The following NIPSNAP2 variants were observed in gnomAD, a reference collection of about 807,000 sequenced individuals.
The protein encoded by NIPSNAP2 is protein NipSnap homolog 2.
In NIPSNAP2, 42 loss-of-function variants were observed where a neutral mutation model predicts 48.4. The observed-to-expected ratio is 0.87, with a 90% confidence interval of 0.68 to 1.12. NIPSNAP2 has a LOEUF of 1.12. Among genes scored for constraint, NIPSNAP2 ranks in the 50% most tolerant of loss-of-function variants. The pLI, the probability that NIPSNAP2 is intolerant of heterozygous loss-of-function variation, is 0.00. For synonymous variants in NIPSNAP2, 158 were observed against 126.6 expected (o/e 1.25, Z -1.67); for missense variants, 314 against 347.3 (o/e 0.90, Z 0.76).
rs1437201867 is a variant in NIPSNAP2, at chr7:55,981,472, G to A, written c.279-1G>A. On this transcript the variant is annotated splice_acceptor_variant, in intron 3 of 9. Coordinates refer to ENST00000322090, the MANE Select transcript of NIPSNAP2 (RefSeq NM_001483.3). LOFTEE classifies it high-confidence loss of function. ...TAGTGTTGCTGTTTCTTCTCTTTAAGTCAAGAGGTGTTGCCAAAGATTCAC... is the reference window on the plus strand; with the variant it reads ...TAGTGTTGCTGTTTCTTCTCTTTAAATCAAGAGGTGTTGCCAAAGATTCAC... 1 of 1,612,112 alleles carries A rather than the reference G, an allele frequency of 6.2e-7. No homozygotes were observed. Among genetic ancestry groups the A allele is most frequent in the Non-Finnish European group, 8.5e-7 (1 of 1,178,510 alleles).
At chr7:55,991,219 A>G (rs1007764659) in intron 7 of NIPSNAP2, among the ~76,000 whole-genome samples, 1 of 152,210 alleles carries the variant, frequency 6.6e-6, no homozygotes, top group Admixed American at 6.5e-5. Flanking sequence ...TTAGATCATC[A>G]AAGGCTAAAT....
intron 9 of NIPSNAP2, among the ~76,000 whole-genome samples, 171 bp from the exon 10 acceptor site, chr7:55,998,837 T>TA (rs1787622397): frequency 6.6e-6 from 1 of 152,172 alleles, no homozygotes; most frequent in Admixed American, 6.6e-5. Flanking sequence ...TGGCAGCTGA[T>TA]ACAGGGTCCG....
At position 55,994,976 on chromosome 7, in the gene NIPSNAP2, C is replaced by T; in HGVS notation, c.700C>T (p.His234Tyr). The T allele has an allele frequency of 6.2e-7, 1 of 1,613,794 alleles. No individual in the cohort carries two copies. Among genetic ancestry groups the T allele is most frequent in the Non-Finnish European group, 8.5e-7 (1 of 1,179,678 alleles). ...FSQIGQLYMVHHLWAYRDLQT... is the reference protein window; with the variant it reads ...FSQIGQLYMVYHLWAYRDLQT... ...TCAGATTGGGCAGCTGTACATGGTGCACCATCTTTGGGGTATCTGTTTTTC... is the reference window on the plus strand; with the variant it reads ...TCAGATTGGGCAGCTGTACATGGTGTACCATCTTTGGGGTATCTGTTTTTC... The change falls in exon 8 of 10, where the codon CAC (histidine) becomes TAC (tyrosine). Residue 234 changes from histidine (H) to tyrosine (Y), a missense_variant. This residue lies in a region of NIPSNAP2 where 116 missense variants were observed against 161.8 expected (regional missense o/e 0.72). Coordinates refer to ENST00000322090, the MANE Select transcript of NIPSNAP2 (RefSeq NM_001483.3).
intron 3 of NIPSNAP2, chr7:55,978,748 CTG>C (rs1232748883): frequency 8.8e-6 from 2 of 226,394 alleles, no homozygotes; most frequent in Non-Finnish European, 1.7e-5. Context: ...CTGGACAGCT[CTG>C]AGTGTTAGGA....
At chr7:55,974,844 T>C (rs1419415984) in intron 1 of NIPSNAP2, among the ~76,000 whole-genome samples, 17 of 103,874 alleles carry the variant, frequency 1.6e-4, no homozygotes, top group Non-Finnish European at 2.6e-4. Flanking sequence ...CGCGACTCTG[T>C]CTTAAAAAAA....
intron 3 of NIPSNAP2, chr7:55,980,717 C>T (rs1787196598): frequency 6.6e-6 from 1 of 152,190 alleles, no homozygotes; most frequent in South Asian, 2.1e-4. Context: ...CTGCCGTGAC[C>T]TGTCATGGCT....
At position 55,981,487 on chromosome 7, in the gene NIPSNAP2, C is replaced by T; in HGVS notation, c.293C>T (p.Pro98Leu). 6.2e-7 allele frequency: 1 copy of T among 1,613,462 alleles called. No homozygotes were observed. Among genetic ancestry groups the T allele is most frequent in the South Asian group, 1.1e-5 (1 of 90,996 alleles). Residue 98 changes from proline (P) to leucine (L), a missense_variant, in exon 4 of 10, where the codon CCA becomes CTA. Physicochemically the swap from Pro to Leu is moderately conservative, Grantham distance 98. Coordinates refer to ENST00000322090, the MANE Select transcript of NIPSNAP2 (RefSeq NM_001483.3). ...AYNKICQEVL[P>L]KIHEDKHYPC... The stretch of plus-strand genomic sequence containing the variant: ...TTCTCTTTAAGTCAAGAGGTGTTGC[C>T]AAAGATTCACGAAGATAAACACTAC...
chr7:55,981,699 A>G, intron 4 of NIPSNAP2, 132 bp downstream of exon 4: 1 of 592,534 alleles, frequency 1.7e-6, no homozygotes, highest in Non-Finnish European at 3.0e-6. Flanking sequence ...TGATTAAAGT[A>G]GTTTCTTCAA....
chr7:55,979,243 TAAAAC>T (rs1041330203), intron 3 of NIPSNAP2: 3 of 152,788 alleles, frequency 2.0e-5, no homozygotes, highest in South Asian at 2.1e-4. Flanking sequence ...AAAATGCCCT[TAAAAC>T]AAAGCAGATG....
intron 3 of NIPSNAP2, 99 bp downstream of exon 3, chr7:55,978,494 C>G (rs765493047): frequency 3.0e-5 from 32 of 1,075,276 alleles, no homozygotes; most frequent in Non-Finnish European, 4.1e-5. Flanking sequence ...GATCTTTCAT[C>G]CCTCTCTTTT....
chr7:55,979,018 A>G (rs1787159736), intron 3 of NIPSNAP2: 1 of 152,328 alleles, frequency 6.6e-6, no homozygotes, highest in South Asian at 2.1e-4. Flanking sequence ...ACCCATGGTG[A>G]GCAAATGTGA....
chr7:55,968,808 A>G (rs1786952488), intron 1 of NIPSNAP2, among the ~76,000 whole-genome samples: 2 of 152,154 alleles, frequency 1.3e-5, no homozygotes, highest in Non-Finnish European at 2.9e-5. Flanking sequence ...CACGGATCAC[A>G]TGAGGCCAGA....
At chr7:55,973,651 T>G (rs1787054901) in intron 1 of NIPSNAP2, among the ~76,000 whole-genome samples, 1 of 151,062 alleles carries the variant, frequency 6.6e-6, no homozygotes, top group African/African-American at 2.4e-5. Context: ...TTTTTTTTTT[T>G]TTTTGTAGTG....
chr7:55,985,001 C>T (rs1562766195), intron 7 of NIPSNAP2, 123 bp downstream of exon 7: 12 of 670,546 alleles, frequency 1.8e-5, no homozygotes, highest in South Asian at 4.1e-5. Flanking sequence ...ACTAATGTTT[C>T]GTTTGATGTT....
At chr7:55,998,735 G>A (rs745818774) in intron 9 of NIPSNAP2, among the ~76,000 whole-genome samples, 6 of 152,082 alleles carry the variant, frequency 3.9e-5, no homozygotes, top group Non-Finnish European at 7.4e-5. Context: ...TCCTGACCTC[G>A]TGATCCACCT....
At position 55,997,440 on chromosome 7, in the gene NIPSNAP2, T is replaced by TAA; in HGVS notation, c.788_789insAA (p.Tyr263Ter). ...WHKHGWEELV[Y>*]YTVPLIQEME... ...CAAACATGGCTGGGAGGAATTGGTA[T>TAA]ATTACACAGGTAATCTCTTAACAGC... Residue 263 changes from tyrosine to a stop codon, truncating the protein, a stop_gained and frameshift_variant, in exon 9 of 10, where the codon TAT (tyrosine) becomes TAAAT (stop). Coordinates refer to ENST00000322090, the MANE Select transcript of NIPSNAP2 (RefSeq NM_001483.3). LOFTEE classifies it high-confidence loss of function. 6.2e-7 allele frequency: 1 copy of TAA among 1,611,258 alleles called. No individual in the cohort carries two copies. The highest frequency in any genetic ancestry group is 8.5e-7 in the Non-Finnish European group (1 of 1,177,434).
Position 55,981,545 on chromosome 7 carries a change from G to A in NIPSNAP2, c.351G>A (p.Trp117Ter), listed in dbSNP as rs775772870. The change falls in exon 4 of 10, where the codon TGG becomes TGA. Residue 117 changes from tryptophan (W) to a stop codon, truncating the protein, a stop_gained. Transcript: ENST00000322090. LOFTEE classifies it high-confidence loss of function. ...PCTLVGTWNT[W>*]YGEQDQAVHL... Reference sequence around the variant, plus strand: ...CTTTGGTGGGGACTTGGAACACGTGGTATGGCGAGCAGGACCAAGCTGGTA... The same window carrying A: ...CTTTGGTGGGGACTTGGAACACGTGATATGGCGAGCAGGACCAAGCTGGTA... 4.3e-6 allele frequency: 7 copies of A among 1,613,914 alleles called. No individual in the cohort carries two copies. Among genetic ancestry groups the A allele is most frequent in the Non-Finnish European group, 5.9e-6 (7 of 1,179,866 alleles).
intron 5 of NIPSNAP2, among the ~76,000 whole-genome samples, chr7:55,983,300 T>C (rs997183132): frequency 6.6e-6 from 1 of 152,178 alleles, no homozygotes; most frequent in Non-Finnish European, 1.5e-5. Context: ...AGCAGGTGTT[T>C]GTCAATAGGG....
intron 1 of NIPSNAP2, among the ~76,000 whole-genome samples, chr7:55,968,536 C>T (rs1285799870): frequency 6.6e-6 from 1 of 152,048 alleles, no homozygotes; most frequent in Non-Finnish European, 1.5e-5. Context: ...CAGGCGTGCG[C>T]CACCACAACC....
Sources: gnomAD v4.1 joint callset for allele counts (sites outside exome capture counted in the v4.1 genomes callset) on GRCh38, gnomAD v4.1.1 for gene constraint, gnomAD v4.1.1 regional missense constraint, MANE v1.5 for transcripts, NCBI Gene and HGNC (gene_info 2026-07-23, HGNC 2026-07-21) for gene names.